Variants in GRID2 observed in about 807,000 individuals in gnomAD.
The protein encoded by GRID2 is glutamate ionotropic receptor delta type subunit 2, also known as glutamate receptor ionotropic, delta-2.
A neutral mutation model predicts 114.8 loss-of-function variants in GRID2; 33 were observed. The ratio of observed to expected loss-of-function variants is 0.29; its 90% confidence interval spans 0.22 to 0.38. The LOEUF (loss-of-function observed/expected upper bound fraction) is 0.38. Among genes scored for constraint, GRID2 ranks in the 10% least tolerant of loss-of-function variants. The pLI, the probability that GRID2 is intolerant of heterozygous loss-of-function variation, is 1.00. For missense variants in GRID2, 1,184 were observed against 1,257.7 expected (o/e 0.94, Z 0.89); for synonymous variants, 505 against 449.9 (o/e 1.12, Z -1.55).
intron 13 of GRID2, 118 bp downstream of exon 13, chr4:93,515,529 G>A (rs1276248815): frequency 3.0e-6 from 2 of 662,962 alleles, no homozygotes; most frequent in South Asian, 2.0e-5. Context: ...AATGCTGACG[G>A]CAAATTTCCT....
intron 2 of GRID2, among the ~76,000 whole-genome samples, chr4:92,762,086 T>G (rs1189003495): frequency 6.6e-6 from 1 of 151,986 alleles, no homozygotes; most frequent in Non-Finnish European, 1.5e-5. Context: ...AGCTATTTTT[T>G]GTATTTTTAG....
chr4:92,748,836 G>T (rs927215672), intron 2 of GRID2, among the ~76,000 whole-genome samples: 2 of 150,466 alleles, frequency 1.3e-5, no homozygotes, highest in East Asian at 3.9e-4. Flanking sequence ...TAATTTTTTT[G>T]TATTTTTACT....
intron 3 of GRID2, among the ~76,000 whole-genome samples, chr4:93,094,661 A>C (rs1731052052): frequency 6.6e-6 from 1 of 152,034 alleles, no homozygotes; most frequent in South Asian, 2.1e-4. Flanking sequence ...GATTGGGGGA[A>C]GGAATCCTAA....
intron 14 of GRID2, among the ~76,000 whole-genome samples, chr4:93,726,979 C>T (rs1372972651): frequency 6.6e-6 from 1 of 152,166 alleles, no homozygotes; most frequent in African/African-American, 2.4e-5. Context: ...CCCCTTATTT[C>T]CTTCTCCTGC....
At chr4:93,804,792 C>T (rs999182691) in intron 1 of GRID2, among the ~76,000 whole-genome samples, 11 of 152,170 alleles carry the variant, frequency 7.2e-5, no homozygotes, top group Admixed American at 7.2e-4. Context: ...CTAGCCATCC[C>T]ATAAAACCAG....
chr4:93,197,421 GATA>G (rs952048388), intron 4 of GRID2, among the ~76,000 whole-genome samples: 1 of 152,082 alleles, frequency 6.6e-6, no homozygotes, highest in African/African-American at 2.4e-5. Context: ...AGGATGTTGT[GATA>G]ATTAAATGAG....
At chr4:92,666,647 G>GTTTTTTTTTTTTTTTT (rs137989289) in intron 2 of GRID2, among the ~76,000 whole-genome samples, 1 of 72,770 alleles carries the variant, frequency 1.4e-5, no homozygotes, top group African/African-American at 5.7e-5. Flanking sequence ...AAACTTAAGG[G>GTTTTTTTTTTTTTTTT]TTGTTTTTTT....
chr4:93,611,475 C>T (rs1437005372), intron 13 of GRID2, among the ~76,000 whole-genome samples: 1 of 131,164 alleles, frequency 7.6e-6, no homozygotes, highest in Non-Finnish European at 1.6e-5. Context: ...TCCCTCTACA[C>T]ACTGCTTTGA....
chr4:93,500,006 G>T (rs1727941588), intron 12 of GRID2, among the ~76,000 whole-genome samples: 1 of 151,866 alleles, frequency 6.6e-6, no homozygotes, highest in Non-Finnish European at 1.5e-5. Flanking sequence ...ATGAATAAAT[G>T]GCATCCATAA....
chr4:93,165,436 G>C (rs1169719959), intron 4 of GRID2, among the ~76,000 whole-genome samples: 1 of 152,014 alleles, frequency 6.6e-6, no homozygotes, highest in East Asian at 1.9e-4. Flanking sequence ...GGAAAGAGGA[G>C]ATATGAGAAT....
At chr4:92,465,305 C>T (rs553469182) in intron 1 of GRID2, among the ~76,000 whole-genome samples, 2 of 151,312 alleles carry the variant, frequency 1.3e-5, no homozygotes, top group South Asian at 2.1e-4. Context: ...GCAGAGAGAA[C>T]AAGTACAGAC....
chr4:93,290,458 T>C (rs1054043704), intron 8 of GRID2, among the ~76,000 whole-genome samples: 1 of 152,240 alleles, frequency 6.6e-6, no homozygotes, highest in Non-Finnish European at 1.5e-5. Context: ...CCTATGTTTA[T>C]ATTTCATCTT....
At chr4:92,879,265 G>T (rs1745837285) in intron 2 of GRID2, among the ~76,000 whole-genome samples, 1 of 152,160 alleles carries the variant, frequency 6.6e-6, no homozygotes, top group Non-Finnish European at 1.5e-5. Context: ...AATCAGGGAA[G>T]ACAGAGTAAA....
chr4:92,705,449 G>A (rs989219752), intron 2 of GRID2, among the ~76,000 whole-genome samples: 2 of 152,116 alleles, frequency 1.3e-5, no homozygotes, highest in African/African-American at 4.8e-5. Flanking sequence ...ACATATTCAG[G>A]CAGAAAAAGT....
intron 13 of GRID2, among the ~76,000 whole-genome samples, chr4:93,596,118 G>A (rs1301272764): frequency 2.0e-5 from 3 of 152,126 alleles, no homozygotes; most frequent in African/African-American, 4.8e-5. Context: ...ATTGCCTTGT[G>A]TTTATTATCT....
intron 14 of GRID2, among the ~76,000 whole-genome samples, chr4:93,715,714 A>G (rs1728850514): frequency 6.6e-6 from 1 of 152,144 alleles, no homozygotes; most frequent in Non-Finnish European, 1.5e-5. Flanking sequence ...GAGTTCATTC[A>G]TGATTTGGCT....
chr4:92,661,781 T>A lies in GRID2; in HGVS notation c.244+71495T>A, dbSNP rs528362711. 2.6e-5 allele frequency among the ~76,000 whole-genome samples: 4 copies of A among 151,192 alleles called. 1 individual carries two copies. The South Asian group carries it at 8.3e-4, about 31-fold the overall frequency. On this transcript the variant is annotated intron_variant, in intron 2 of 15. Transcript: ENST00000282020. Reference sequence around the variant, plus strand: ...TGAAATAATGTGGGAAATTACACAATAAATTGTGTCAATTAAAAAGAGGGA... The same window carrying A: ...TGAAATAATGTGGGAAATTACACAAAAAATTGTGTCAATTAAAAAGAGGGA...
chr4:92,463,222 A>G (rs1295803569), intron 1 of GRID2, among the ~76,000 whole-genome samples: 1 of 151,854 alleles, frequency 6.6e-6, no homozygotes, highest in Non-Finnish European at 1.5e-5. Context: ...AATTATCATC[A>G]GTCTAGGAGG....
At chr4:92,520,685 G>C (rs775954968) in intron 1 of GRID2, among the ~76,000 whole-genome samples, 1 of 151,866 alleles carries the variant, frequency 6.6e-6, no homozygotes, top group Non-Finnish European at 1.5e-5. Flanking sequence ...TTCCCCCTTG[G>C]TAGTCAGGAT....
Sources: gnomAD v4.1 joint callset for allele counts (sites outside exome capture counted in the v4.1 genomes callset) on GRCh38, gnomAD v4.1.1 for gene constraint, MANE v1.5 for transcripts, NCBI Gene and HGNC (gene_info 2026-07-23, HGNC 2026-07-21) for gene names.